The following MYH10 variants were observed in gnomAD, a reference collection of about 807,000 sequenced individuals.
MYH10 encodes the protein myosin heavy chain 10, also known as myosin-10.
In MYH10, 55 loss-of-function variants were observed where a neutral mutation model predicts 257.8. The observed-to-expected ratio is 0.21, with a 90% CI of 0.17 to 0.27. The LOEUF (loss-of-function observed/expected upper bound fraction) is 0.27, where lower values mean the gene tolerates loss of function less well. MYH10 is among the 10% of genes least tolerant of loss of function. MYH10 has a pLI of 1.00. For missense variants in MYH10, 1,631 were observed against 2,500.6 expected (o/e 0.65, Z 7.42); for synonymous variants, 854 against 921.7 (o/e 0.93, Z 1.33).
intron 38 of MYH10, 199 bp from the exon 39 acceptor site, chr17:8,480,724 C>G (rs1913602082): frequency 1.5e-6 from 1 of 672,782 alleles, no homozygotes; most frequent in African/African-American, 1.8e-5. Context: ...GCTGCCACCA[C>G]CCAGATGCAG....
chr17:8,481,824 G>A (rs998296099), intron 37 of MYH10, among the ~76,000 whole-genome samples: 1 of 152,232 alleles, frequency 6.6e-6, no homozygotes. Flanking sequence ...TTGAGATCAA[G>A]GACGCTGGCT....
chr17:8,603,054 C>T (rs562696189), intron 3 of MYH10, among the ~76,000 whole-genome samples: 2 of 152,348 alleles, frequency 1.3e-5, no homozygotes, highest in South Asian at 2.1e-4. Flanking sequence ...CTTCCTCATA[C>T]TGTATCCATA....
Position 8,480,274 on chromosome 17 carries a change from G to A in MYH10, c.5433C>T (p.Ala1811=). Residue 1811 remains alanine (A), a synonymous_variant, in exon 40 of 43, where the codon GCC becomes GCT. Transcript: ENST00000360416. ...GCTGGCGTGCATTGTCACTCTTCTG[G>A]GCGGCGCTGCGCTCGGCTGCTAGCT... is the stretch of plus-strand genomic sequence containing the variant. The part of the protein sequence containing the change: ...NAELAAERSA[A]QKSDNARQQL... 2 of 1,614,098 alleles carry A rather than the reference G, an allele frequency of 1.2e-6. No individual in the cohort carries two copies. The highest frequency in any genetic ancestry group is 1.7e-6 in the Non-Finnish European group (2 of 1,180,030).
intron 2 of MYH10, among the ~76,000 whole-genome samples, chr17:8,607,442 A>G (rs1166022760): frequency 1.3e-5 from 2 of 152,244 alleles, no homozygotes; most frequent in African/African-American, 4.8e-5. Flanking sequence ...ATATGAGTTC[A>G]TCATCAAAAA....
intron 2 of MYH10, among the ~76,000 whole-genome samples, chr17:8,608,249 C>G (rs966505654): frequency 6.6e-6 from 1 of 152,180 alleles, no homozygotes; most frequent in South Asian, 2.1e-4. Context: ...GGCAGCCATA[C>G]GGAGAACACA....
At chr17:8,548,895 G>GCAAC in intron 9 of MYH10, 108 bp from the exon 10 acceptor site, 1 of 827,206 alleles carries the variant, frequency 1.2e-6, no homozygotes, top group African/African-American at 1.7e-5. Flanking sequence ...TGGTCACCAT[G>GCAAC]CAACCCATTG....
rs1352308587 is a variant in MYH10 at position 8,547,141 on chromosome 17, C to A, written c.1160-479G>T. Among the ~76,000 whole-genome samples the A allele has an allele frequency of 3.3e-5, 5 of 152,302 alleles. No individual in the cohort carries two copies. In the South Asian group the frequency reaches 8.3e-4, roughly 25 times the overall value. On this transcript the variant is annotated intron_variant, in intron 11 of 42. Coordinates refer to ENST00000360416, the MANE Select transcript of MYH10 (RefSeq NM_001256012.3). Reference sequence around the variant, plus strand: ...GGCATAGCACGACAGCCTAGAACTCCTGGGCTCAAGCCATCCTCCTGCTTC... The same window carrying A: ...GGCATAGCACGACAGCCTAGAACTCATGGGCTCAAGCCATCCTCCTGCTTC...
chr17:8,475,921 G>A lies in MYH10; in HGVS notation c.5907C>T (p.Ser1969=), dbSNP rs371318671. ...LRRGGPISFS[S]SRSGRRQLHL... The stretch of plus-strand genomic sequence containing the variant: ...GCAGCTGGCGCCGGCCAGATCGGCT[G>A]GAAGAGAAGCTGATGGGGCCACCCC... Residue 1969 remains serine, a synonymous_variant, in exon 43 of 43, where the codon TCC becomes TCT. Transcript: ENST00000360416. 1.2e-6 allele frequency: 2 copies of A among 1,613,972 alleles called. No homozygotes were observed. The highest frequency in any genetic ancestry group is 4.5e-5 in the East Asian group (2 of 44,880).
At chr17:8,524,490 A>T (rs11658316) in intron 17 of MYH10, among the ~76,000 whole-genome samples, 25 of 125,822 alleles carry the variant, frequency 2.0e-4, no homozygotes, top group East Asian at 1.4e-3. Context: ...AAAAAAAAAA[A>T]AAGGATATGG....
At chr17:8,511,021 T>TATATATATATATATAC (rs2081253955) in intron 24 of MYH10, 2 of 3,638 alleles carry the variant, frequency 5.5e-4, no homozygotes, top group South Asian at 0.019. Context: ...ACCCCATATA[T>TATATATATATATATAC]ATATATATAT....
intron 28 of MYH10, among the ~76,000 whole-genome samples, chr17:8,503,300 A>AAAAAT (rs56071409): frequency 0.54 from 80,873 of 150,308 alleles, 22,115 homozygotes; most frequent in Middle Eastern, 0.63. Context: ...ATATAAAATA[A>AAAAAT]AAAATAAAAT....
intron 3 of MYH10, among the ~76,000 whole-genome samples, chr17:8,601,677 G>C (rs1307100031): frequency 6.6e-6 from 1 of 152,008 alleles, no homozygotes; most frequent in East Asian, 1.9e-4. Context: ...TGCTTTTAAT[G>C]AATGTATGAT....
rs150772703 is a variant in MYH10 at position 8,623,355 on chromosome 17, T to G, written c.-31-78A>C. The G allele has an allele frequency of 2.1e-4, 279 of 1,354,476 alleles. No individual in the cohort carries two copies. In the East Asian group the frequency reaches 4.9e-3, roughly 24 times the overall value. 83.9% of individuals were successfully genotyped at this position (1,354,476 alleles called of 1,614,324 possible). ...ACACGTTTTTCTTTTCTAAGAAACT[T>G]AAAACCTTAGATTAAGCATTAACTC... On this transcript the variant is annotated intron_variant, in intron 1 of 42. Transcript: ENST00000360416.
chr17:8,626,033 CA>C (rs1451527537), intron 1 of MYH10, among the ~76,000 whole-genome samples: 1 of 152,056 alleles, frequency 6.6e-6, no homozygotes, highest in Admixed American at 6.6e-5. Context: ...TAAGATGAAA[CA>C]AAAAATCACA....
intron 11 of MYH10, among the ~76,000 whole-genome samples, chr17:8,547,447 C>T (rs1263714934): frequency 6.6e-6 from 1 of 151,986 alleles, no homozygotes; most frequent in Non-Finnish European, 1.5e-5. Flanking sequence ...GGTGCCACAG[C>T]TTGGCCAGAA....
At chr17:8,599,328 T>C (rs1450332313) in intron 3 of MYH10, among the ~76,000 whole-genome samples, 1 of 152,220 alleles carries the variant, frequency 6.6e-6, no homozygotes, top group East Asian at 1.9e-4. Context: ...TTAAATCACA[T>C]TCTTTAATAT....
chr17:8,541,085 C>T (rs116438142), intron 14 of MYH10, among the ~76,000 whole-genome samples: 146 of 152,324 alleles, frequency 9.6e-4, no homozygotes, highest in African/African-American at 3.1e-3. Flanking sequence ...GCTGGAACTA[C>T]ATCTCTAATA....
Position 8,518,673 on chromosome 17 carries a change from A to C in MYH10, c.2462T>G (p.Ile821Ser). The C allele has an allele frequency of 6.2e-7, 1 of 1,614,104 alleles. No individual in the cohort carries two copies. Among genetic ancestry groups the C allele is most frequent in the Non-Finnish European group, 8.5e-7 (1 of 1,180,008 alleles). ...TCTGCAAACGGCCTGGAAGAAGATA[A>C]TGATATCGGTGATTTTTAAATCTCT... ...EERDLKITDI[I>S]IFFQAVCRGY... is the part of the protein sequence containing the mutation. Residue 821 changes from isoleucine to serine, a missense_variant, in exon 21 of 43, where the codon ATT (isoleucine) becomes AGT (serine). Coordinates refer to ENST00000360416, the MANE Select transcript of MYH10 (RefSeq NM_001256012.3).
chr17:8,579,813 AGTTT>A (rs2083636081), intron 4 of MYH10, among the ~76,000 whole-genome samples: 1 of 152,192 alleles, frequency 6.6e-6, no homozygotes, highest in South Asian at 2.1e-4. Context: ...TTCTTTTACA[AGTTT>A]GATAGCTTCA....
Sources: allele counts gnomAD v4.1 joint callset (sites outside exome capture counted in the v4.1 genomes callset), GRCh38; gene constraint gnomAD v4.1.1; transcripts MANE v1.5; gene names NCBI Gene and HGNC (gene_info 2026-07-23, HGNC 2026-07-21).